The following CASD1 variants were observed in gnomAD, a reference collection of about 807,000 sequenced individuals.
CASD1 encodes CAS1 domain sialic acid O acetyltransferase 1, also known as N-acetylneuraminate (7)9-O-acetyltransferase.
A neutral mutation model predicts 100.0 loss-of-function variants in CASD1; 41 were observed. The observed-to-expected ratio is 0.41, with a 90% CI of 0.32 to 0.53. The LOEUF (loss-of-function observed/expected upper bound fraction) is 0.53. Among genes scored for constraint, CASD1 ranks in the 20% least tolerant of loss-of-function variants. CASD1 has a pLI of 0.25. For synonymous variants in CASD1, 321 were observed against 315.6 expected (o/e 1.02, Z -0.18); for missense variants, 774 against 948.7 (o/e 0.82, Z 2.42).
rs375717351 is a variant in CASD1, at chr7:94,555,650, T to C, written c.2286T>C (p.Ile762=). Residue 762 remains isoleucine (I), a synonymous_variant, in exon 18 of 18, where the codon ATT becomes ATC. Coordinates refer to ENST00000297273, the MANE Select transcript of CASD1 (RefSeq NM_022900.5). ...AGATCACTAATGATCTTGCACAGAT[T>C]ATTATTCCTAAAGATAACTCATCTC... is the stretch of plus-strand genomic sequence containing the variant. ...ISQITNDLAQ[I]IIPKDNSSLL... 6.2e-7 allele frequency: 1 copy of C among 1,613,262 alleles called. No individual in the cohort carries two copies. The highest frequency in any genetic ancestry group is 1.3e-5 in the African/African-American group (1 of 74,874).
At chr7:94,620,405 C>A in the CASD1 span, 2 of 151,908 alleles carry the variant, frequency 1.3e-5, no homozygotes, top group Non-Finnish European at 1.5e-5. Flanking sequence ...ATGTATAGCC[C>A]ATCTGCAATT....
chr7:94,603,574 G>A, the CASD1 span: 40 of 866,046 alleles, frequency 4.6e-5, no homozygotes, highest in African/African-American at 5.6e-4. Flanking sequence ...CATCCCTGAG[G>A]TAGGGGCCTC....
intron 17 of CASD1, 28 bp from the exon 18 acceptor site, chr7:94,555,463 AT>A (rs758459793): frequency 2.5e-6 from 4 of 1,601,624 alleles, no homozygotes; most frequent in Admixed American, 3.4e-5. Context: ...CCCTCTATAA[AT>A]ATCTGACTTA....
chr7:94,536,814 C>T (rs1302426411), intron 8 of CASD1, among the ~76,000 whole-genome samples: 2 of 152,100 alleles, frequency 1.3e-5, no homozygotes, highest in African/African-American at 2.4e-5. Flanking sequence ...TCAACTTTCC[C>T]AGAATAATTT....
the CASD1 span, among the ~76,000 whole-genome samples, chr7:94,591,847 AG>A: frequency 6.6e-6 from 1 of 152,228 alleles, no homozygotes; most frequent in Non-Finnish European, 1.5e-5. Context: ...AATTCGGAGA[AG>A]ATGCATAAGA....
At chr7:94,580,024 T>A in the CASD1 span, among the ~76,000 whole-genome samples, 1 of 152,170 alleles carries the variant, frequency 6.6e-6, no homozygotes, top group African/African-American at 2.4e-5. Context: ...TAACAACAAC[T>A]GCTGCCTTTT....
At chr7:94,514,522 A>G (rs1793877071) in intron 1 of CASD1, among the ~76,000 whole-genome samples, 1 of 152,180 alleles carries the variant, frequency 6.6e-6, no homozygotes, top group Non-Finnish European at 1.5e-5. Context: ...AAAGGAAAAC[A>G]TAAGTTGGGG....
At chr7:94,554,242 G>T (rs182889798) in intron 16 of CASD1, 594 of 319,180 alleles carry the variant, frequency 1.9e-3, no homozygotes, top group Middle Eastern at 3.6e-3. Flanking sequence ...AAATTGTTCA[G>T]CCATGTACTA....
At chr7:94,569,021 A>T in the CASD1 span, among the ~76,000 whole-genome samples, 2 of 152,196 alleles carry the variant, frequency 1.3e-5, no homozygotes, top group Admixed American at 1.3e-4. Context: ...TATTCACAGA[A>T]AGGGAAATAT....
intron 3 of CASD1, among the ~76,000 whole-genome samples, chr7:94,519,682 T>A (rs997562408): frequency 1.3e-5 from 2 of 152,106 alleles, no homozygotes; most frequent in Non-Finnish European, 2.9e-5. Context: ...TAAAAAAATT[T>A]TTTTAATAGA....
At chr7:94,552,811 C>T (rs749021134) in intron 16 of CASD1, among the ~76,000 whole-genome samples, 8 of 152,080 alleles carry the variant, frequency 5.3e-5, no homozygotes, top group East Asian at 1.9e-4. Flanking sequence ...GTGGCGGGCA[C>T]CTGTAATCCC....
the CASD1 span, among the ~76,000 whole-genome samples, chr7:94,601,192 A>G: frequency 6.6e-6 from 1 of 152,168 alleles, no homozygotes; most frequent in African/African-American, 2.4e-5. Flanking sequence ...TTACACTACC[A>G]TGTAAATGTC....
Position 94,535,443 on chromosome 7 carries a change from A to G in CASD1, c.763A>G (p.Ser255Gly). ...TTCTAAATCAAATGTTAAGATGTTC[A>G]GTGTTTCCAAATTAATTGCTCAAGA... is the stretch of plus-strand genomic sequence containing the variant. The part of the protein sequence containing the change: ...RNSKSNVKMF[S>G]VSKLIAQETI... The change falls in exon 8 of 18, where the codon AGT (serine) becomes GGT (glycine). Residue 255 changes from serine to glycine, a missense_variant. This residue lies in a region of CASD1 where 453 missense variants were observed against 532.6 expected (regional missense o/e 0.85). Coordinates refer to ENST00000297273, the MANE Select transcript of CASD1 (RefSeq NM_022900.5). 1 of 1,613,654 alleles carries G rather than the reference A, an allele frequency of 6.2e-7. No homozygotes were observed. Among genetic ancestry groups the G allele is most frequent in the African/African-American group, 1.3e-5 (1 of 75,040 alleles).
chr7:94,545,081 T>TTA (rs1795610315), intron 11 of CASD1, among the ~76,000 whole-genome samples: 1 of 152,266 alleles, frequency 6.6e-6, no homozygotes, highest in East Asian at 1.9e-4. Context: ...AAATGACTCT[T>TTA]ATTAAAGTCC....
the CASD1 span, chr7:94,588,964 T>C: frequency 1.9e-6 from 1 of 538,122 alleles, no homozygotes; most frequent in South Asian, 2.1e-5. Context: ...GGCTATACTC[T>C]AAAGTACCTC....
Position 94,552,377 on chromosome 7 carries a change from A to G in CASD1, c.1984A>G (p.Lys662Glu), listed in dbSNP as rs750511356. 3.1e-6 allele frequency: 5 copies of G among 1,611,170 alleles called. No individual in the cohort carries two copies. Among genetic ancestry groups the G allele is most frequent in the East Asian group, 4.5e-5 (2 of 44,780 alleles). Residue 662 changes from lysine to glutamate, a missense_variant, in exon 16 of 18, where the codon AAA (lysine) becomes GAA (glutamate). Physicochemically the swap from Lys to Glu is moderately conservative, Grantham distance 56 (BLOSUM62 1). Transcript: ENST00000297273. Reference sequence around the variant, plus strand: ...CTATTCCATCTGGGCTAGCAGTTGTAAAAACAAAGCAGAGTGCAATGAACT... The same window carrying G: ...CTATTCCATCTGGGCTAGCAGTTGTGAAAACAAAGCAGAGTGCAATGAACT... ...LTYSIWASSC[K>E]NKAECNELHP... is the part of the protein sequence containing the mutation.
intron 3 of CASD1, among the ~76,000 whole-genome samples, chr7:94,526,377 C>T (rs1158427808): frequency 6.6e-6 from 1 of 152,170 alleles, no homozygotes; most frequent in African/African-American, 2.4e-5. Context: ...GAAATTCAGC[C>T]TGGAAGTGGC....
In CASD1 at chr7:94,553,615, A is replaced by C. The variant is rs150207333; in HGVS notation, c.2035-868A>C. On this transcript the variant is annotated intron_variant, in intron 16 of 17. Coordinates refer to ENST00000297273, the MANE Select transcript of CASD1 (RefSeq NM_022900.5). The stretch of plus-strand genomic sequence containing the variant: ...AAAGTTTCTGGAAAGTAGTTGTGAA[A>C]GTGGAGATAACTTTTTTTCTTTACA... 3.4e-3 allele frequency among the ~76,000 whole-genome samples: 524 copies of C among 152,264 alleles called. 1 individual carries two copies. The highest frequency in any genetic ancestry group is 8.1e-3 in the Admixed American group (124 of 15,284).
At chr7:94,514,837 A>T (rs1314456128) in intron 1 of CASD1, among the ~76,000 whole-genome samples, 1 of 152,102 alleles carries the variant, frequency 6.6e-6, no homozygotes, top group East Asian at 1.9e-4. Flanking sequence ...ATCTCACATT[A>T]GTTGTGTTAA....
Sources: gnomAD v4.1 joint callset for allele counts (sites outside exome capture counted in the v4.1 genomes callset) on GRCh38, gnomAD v4.1.1 for gene constraint, gnomAD v4.1.1 regional missense constraint, MANE v1.5 for transcripts, NCBI Gene and HGNC (gene_info 2026-07-23, HGNC 2026-07-21) for gene names.